NEK5: variants seen among roughly 807,000 people sequenced by gnomAD.
The protein encoded by NEK5 is NIMA related kinase 5.
Under a neutral mutation model 109.2 loss-of-function variants are expected in NEK5, and 88 were observed. The ratio of observed to expected loss-of-function variants is 0.81; its 90% CI spans 0.68 to 0.96. NEK5 has a LOEUF of 0.96. Among genes scored for constraint, NEK5 ranks in the 40% least tolerant of loss-of-function variants. NEK5 has a pLI of 0.00. For synonymous variants in NEK5, 283 were observed against 299.9 expected, an observed-to-expected ratio of 0.94 and a Z score of 0.58; for missense variants, 834 against 920.7, an observed-to-expected ratio of 0.91 and a Z score of 1.22.
intron 17 of NEK5, among the ~76,000 whole-genome samples, chr13:52,079,559 C>T (rs1158551637): frequency 6.6e-6 from 1 of 152,290 alleles, no homozygotes; most frequent in Non-Finnish European, 1.5e-5. Flanking sequence ...GCCTCAGCCT[C>T]CCGAGGTGCC....
intron 17 of NEK5, among the ~76,000 whole-genome samples, chr13:52,081,097 A>G (rs1955004127): frequency 6.6e-6 from 1 of 152,216 alleles, no homozygotes; most frequent in South Asian, 2.1e-4. Flanking sequence ...AAAGTCTAGC[A>G]TGCCATGCTA....
intron 20 of NEK5, among the ~76,000 whole-genome samples, 165 bp from the exon 21 acceptor site, chr13:52,065,774 T>G (rs914235511): frequency 1.3e-5 from 2 of 152,218 alleles, no homozygotes; most frequent in African/African-American, 4.8e-5. Flanking sequence ...GACAAAAAGG[T>G]GTCAACACTG....
At chr13:52,087,016 T>A (rs930952119) in intron 15 of NEK5, among the ~76,000 whole-genome samples, 1 of 152,216 alleles carries the variant, frequency 6.6e-6, no homozygotes, top group Admixed American at 6.5e-5. Flanking sequence ...CTTCCAGAAT[T>A]GTGAGACAAT....
At chr13:52,039,030 T>C (rs1294997636) in intron 23 of NEK5, among the ~76,000 whole-genome samples, 5 of 151,888 alleles carry the variant, frequency 3.3e-5, no homozygotes, top group African/African-American at 4.8e-5. Context: ...GAATAACCAA[T>C]AGGAGCCAGG....
intron 16 of NEK5, 111 bp downstream of exon 16, chr13:52,086,160 TTATCTC>T: frequency 1.3e-6 from 1 of 741,476 alleles, no homozygotes; most frequent in East Asian, 2.6e-5. Flanking sequence ...GTCTACATGA[TTATCTC>T]TATGATAAAA....
chr13:52,069,665 T>G (rs1446607973), intron 20 of NEK5, among the ~76,000 whole-genome samples: 1 of 152,178 alleles, frequency 6.6e-6, no homozygotes, highest in Non-Finnish European at 1.5e-5. Flanking sequence ...GCATTTGAAT[T>G]AGAAAACTGG....
chr13:52,050,217 C>G lies in NEK5; in HGVS notation c.2115G>C (p.Met705Ile). 2.0e-6 allele frequency: 2 copies of G among 976,960 alleles called. No individual in the cohort carries two copies. The highest frequency in any genetic ancestry group is 2.4e-6 in the Non-Finnish European group (2 of 821,836). 60.5% of individuals were successfully genotyped at this position (976,960 alleles called of 1,614,324 possible). ...SSFSADEEFA[M>I]GTLKQWLPKE... ...TGGGTAGCCATTGTTTTAATGTTCCCATTGCTAAAGAAATGACAGAGAAAG... is the reference window on the plus strand; with the variant it reads ...TGGGTAGCCATTGTTTTAATGTTCCGATTGCTAAAGAAATGACAGAGAAAG... Residue 705 changes from methionine (M) to isoleucine (I), a missense_variant, in exon 23 of 24, where the codon ATG becomes ATC. Transcript: ENST00000684899.
At chr13:52,072,195 C>T in intron 19 of NEK5, 125 bp from the exon 20 acceptor site, 1 of 673,260 alleles carries the variant, frequency 1.5e-6, no homozygotes. Context: ...CAAATGTTTA[C>T]TAAACAAATA....
intron 23 of NEK5, among the ~76,000 whole-genome samples, chr13:52,039,292 T>C (rs967549606): frequency 1.3e-5 from 2 of 152,126 alleles, no homozygotes; most frequent in Non-Finnish European, 2.9e-5. Flanking sequence ...GAATCACTGA[T>C]ACACTGGGAA....
At chr13:52,106,628 A>C (rs1454058633) in intron 8 of NEK5, among the ~76,000 whole-genome samples, 1 of 152,008 alleles carries the variant, frequency 6.6e-6, no homozygotes, top group Non-Finnish European at 1.5e-5. Context: ...TTAGCTGGGC[A>C]TGGTGGGGCG....
intron 3 of NEK5, among the ~76,000 whole-genome samples, chr13:52,124,369 G>A (rs1430521616): frequency 1.3e-5 from 2 of 152,164 alleles, no homozygotes; most frequent in African/African-American, 4.8e-5. Context: ...GAACATATTT[G>A]TAGGTATACA....
chr13:52,067,302 G>A (rs1954706417), intron 20 of NEK5, among the ~76,000 whole-genome samples: 1 of 152,092 alleles, frequency 6.6e-6, no homozygotes, highest in South Asian at 2.1e-4. Flanking sequence ...TGAGGGAGGA[G>A]AAAGAAAGAA....
Position 52,065,295 on chromosome 13 carries a change from T to A in NEK5, c.1975+189A>T, listed in dbSNP as rs1011768038. ...ATATGTGCATGTCTAGAGTGGTCAT[T>A]TGTCCAGGATAATTAGCAGGCAAGT... On this transcript the variant is annotated intron_variant, in intron 21 of 23. Transcript: ENST00000684899. 3.1e-5 allele frequency: 25 copies of A among 812,052 alleles called. No individual in the cohort carries two copies. The African/African-American group carries it at 3.8e-4, about 12-fold the overall frequency. The allele number at this position is 812,052 out of a possible 1,614,324, so 50.3% of individuals were successfully genotyped here. A position where few individuals can be genotyped will look rare whatever the true frequency, so the allele number is the denominator to read the frequency against.
chr13:52,075,263 C>A (rs912092903), intron 19 of NEK5, among the ~76,000 whole-genome samples: 3 of 152,120 alleles, frequency 2.0e-5, no homozygotes, highest in African/African-American at 2.4e-5. Flanking sequence ...AAATGTGGTA[C>A]ATATACACCA....
In NEK5 at chr13:52,082,409, G is replaced by T. The variant is rs755403446; in HGVS notation, c.1572+851C>A. 10 of 1,066,756 alleles carry T rather than the reference G, an allele frequency of 9.4e-6. No individual in the cohort carries two copies. The Admixed American group carries it at 3.6e-4, about 38-fold the overall frequency. The allele number at this position is 1,066,756 out of a possible 1,614,324, so 66.1% of individuals were successfully genotyped here. A position where few individuals can be genotyped will look rare whatever the true frequency, so the allele number is the denominator to read the frequency against. Reference sequence around the variant, plus strand: ...AAAAGCACACTTGGGCTTCTTATTCGCAAAATAAATATAACTCCTTGGAAA... The same window carrying T: ...AAAAGCACACTTGGGCTTCTTATTCTCAAAATAAATATAACTCCTTGGAAA... On this transcript the variant is annotated intron_variant, in intron 17 of 23. Transcript: ENST00000684899.
chr13:52,102,608 G>T (rs971902953), intron 9 of NEK5, among the ~76,000 whole-genome samples: 2 of 152,166 alleles, frequency 1.3e-5, no homozygotes, highest in African/African-American at 4.8e-5. Flanking sequence ...CAAGAGGATT[G>T]TCTAAGCCCA....
At chr13:52,091,550 T>C (rs752813879) in intron 13 of NEK5, among the ~76,000 whole-genome samples, 86 of 152,252 alleles carry the variant, frequency 5.6e-4, no homozygotes, top group Non-Finnish European at 1.2e-3. Context: ...ATTTTCACTA[T>C]TAATGAGATT....
chr13:52,064,005 G>C (rs1490237773), intron 21 of NEK5, among the ~76,000 whole-genome samples: 1 of 134,108 alleles, frequency 7.5e-6, no homozygotes, highest in African/African-American at 2.9e-5. Context: ...GTGGGGGGGG[G>C]GGTCAGCCCC....
At chr13:52,042,300 G>GA (rs1336470541) in intron 23 of NEK5, among the ~76,000 whole-genome samples, 2 of 151,108 alleles carry the variant, frequency 1.3e-5, no homozygotes, top group Non-Finnish European at 3.0e-5. Flanking sequence ...CACGGGATAG[G>GA]AAAAAAATGG....
Sources: allele counts gnomAD v4.1 joint callset (sites outside exome capture counted in the v4.1 genomes callset), GRCh38; gene constraint gnomAD v4.1.1; transcripts MANE v1.5; gene names NCBI Gene and HGNC (gene_info 2026-07-23, HGNC 2026-07-21).